FANCM: variants seen among roughly 807,000 people sequenced by gnomAD.
FANCM encodes the protein Fanconi anemia group M protein.
Under a neutral mutation model 199.5 loss-of-function variants are expected in FANCM, and 140 were observed. That is an observed-to-expected ratio of 0.70 (90% CI 0.61 to 0.81). FANCM has a LOEUF of 0.81. FANCM is among the 30% of genes least tolerant of loss of function. The pLI, the probability that FANCM is intolerant of heterozygous loss-of-function variation, is 0.00. For synonymous variants in FANCM, 840 were observed against 836.8 expected, an observed-to-expected ratio of 1.00 and a Z score of -0.07; for missense variants, 2,410 against 2,421.4, an observed-to-expected ratio of 1.00 and a Z score of 0.10.
At position 45,198,869 on chromosome 14, in the gene FANCM, A is replaced by G; in HGVS notation, c.5942A>G (p.Asn1981Ser). 1.2e-6 allele frequency: 2 copies of G among 1,611,622 alleles called. No homozygotes were observed. Among genetic ancestry groups the G allele is most frequent in the Non-Finnish European group, 1.7e-6 (2 of 1,177,780 alleles). Residue 1981 changes from asparagine (N) to serine (S), a missense_variant, in exon 22 of 23, where the codon AAT becomes AGT. By Grantham distance (46) the Asn-to-Ser change is conservative. Transcript: ENST00000267430. ...EALQFYLSIP[N>S]ISYITALNMC... ...CTCCAGTTTTATTTAAGTATTCCCA[A>G]TATAAGTTATATAACTGCATTAAAT...
intron 3 of FANCM, among the ~76,000 whole-genome samples, chr14:45,143,523 A>G (rs1886130798): frequency 6.6e-6 from 1 of 151,894 alleles, no homozygotes; most frequent in Non-Finnish European, 1.5e-5. Flanking sequence ...ACATCATAAG[A>G]TACATTATGC....
intron 3 of FANCM, among the ~76,000 whole-genome samples, chr14:45,144,912 T>C (rs749274602): frequency 6.6e-6 from 1 of 152,084 alleles, no homozygotes; most frequent in Non-Finnish European, 1.5e-5. Flanking sequence ...TTTCTCATCA[T>C]AGCCATCATT....
chr14:45,138,982 C>G (rs923117999), intron 2 of FANCM, among the ~76,000 whole-genome samples: 4 of 152,120 alleles, frequency 2.6e-5, no homozygotes, highest in Admixed American at 2.0e-4. Context: ...TGCCATATAA[C>G]AACAAAATGA....
At chr14:45,164,812 A>G (rs760407507) in intron 10 of FANCM, among the ~76,000 whole-genome samples, 3 of 152,174 alleles carry the variant, frequency 2.0e-5, no homozygotes, top group Non-Finnish European at 4.4e-5. Flanking sequence ...AGATACCTAG[A>G]TCTAAAAACC....
Position 45,197,785 on chromosome 14 carries a change from AT to A in FANCM, c.5717-858del, listed in dbSNP as rs539857268. 4.6e-4 allele frequency among the ~76,000 whole-genome samples: 63 copies of A among 137,082 alleles called. 2 individuals are homozygous for A. In the South Asian group the frequency reaches 0.013, roughly 29 times the overall value. The allele number at this position is 137,082 out of a possible 152,430, so 89.9% of individuals were successfully genotyped here. A position where few individuals can be genotyped will look rare whatever the true frequency, so the allele number is the denominator to read the frequency against. On this transcript the variant is annotated intron_variant, in intron 21 of 22. Coordinates refer to ENST00000267430, the MANE Select transcript of FANCM (RefSeq NM_020937.4). ...CAGCCTTCTTTTTTTTTTTTTTGAA[AT>A]GGAGTCTTGCTCTGTCGCCCAGGCT...
Position 45,164,459 on chromosome 14 carries a change from T to G in FANCM, c.1682T>G (p.Phe561Cys), listed in dbSNP as rs1340057261. ...DIGEVDLIIC[F>C]DSQKSPIRLV... ...GGAGAAGTTGATCTTATAATATGTT[T>G]TGATTCCCAGAAGAGCCCAATTCGT... Residue 561 changes from phenylalanine to cysteine, a missense_variant, in exon 10 of 23, where the codon TTT (phenylalanine) becomes TGT (cysteine). By Grantham distance (205) the Phe-to-Cys change is radical. Transcript: ENST00000267430. 1 of 1,613,586 alleles carries G rather than the reference T, an allele frequency of 6.2e-7. No individual in the cohort carries two copies. Among genetic ancestry groups the G allele is most frequent in the African/African-American group, 1.3e-5 (1 of 74,922 alleles).
chr14:45,193,630 A>G (rs775659160), intron 20 of FANCM, among the ~76,000 whole-genome samples: 1 of 152,144 alleles, frequency 6.6e-6, no homozygotes, highest in Non-Finnish European at 1.5e-5. Flanking sequence ...TCAGTTGACC[A>G]TATATGTGAG....
intron 3 of FANCM, among the ~76,000 whole-genome samples, chr14:45,141,769 T>C (rs552945042): frequency 6.6e-6 from 1 of 151,714 alleles, no homozygotes; most frequent in Non-Finnish European, 1.5e-5. Context: ...TTTGTATTTT[T>C]AGTAGACACG....
intron 13 of FANCM, among the ~76,000 whole-genome samples, chr14:45,174,225 A>G (rs986025936): frequency 6.6e-6 from 1 of 152,234 alleles, no homozygotes; most frequent in Non-Finnish European, 1.5e-5. Context: ...TGTCTGTACT[A>G]AAAATACAAA....
rs1885448954 is a variant in FANCM, at chr14:45,135,946, A to C, written c.-86A>C. ...CTTCTCGTTCCAGAGTTTTGTGCGA[A>C]GGAAACCGATGGGGATCGGAACCGT... is the stretch of plus-strand genomic sequence containing the variant. On this transcript the variant is annotated 5_prime_UTR_variant, in exon 1 of 23. Transcript: ENST00000267430. 1 of 1,462,084 alleles carries C rather than the reference A, an allele frequency of 6.8e-7. No individual in the cohort carries two copies. Among genetic ancestry groups the C allele is most frequent in the African/African-American group, 1.4e-5 (1 of 72,276 alleles). 90.6% of individuals were successfully genotyped at this position (1,462,084 alleles called of 1,614,324 possible).
Position 45,196,176 on chromosome 14 carries a change from G to T in FANCM, c.5345G>T (p.Gly1782Val). 1 of 1,614,070 alleles carries T rather than the reference G, an allele frequency of 6.2e-7. No individual in the cohort carries two copies. The highest frequency in any genetic ancestry group is 1.7e-5 in the Admixed American group (1 of 60,024). Residue 1782 changes from glycine to valine, a missense_variant, in exon 21 of 23, where the codon GGT (glycine) becomes GTT (valine). Gly to Val is a moderately radical substitution (Grantham distance 109). Coordinates refer to ENST00000267430, the MANE Select transcript of FANCM (RefSeq NM_020937.4). Reference protein sequence around the residue: ...CRKFPVPQKDGSALEDSSTSG... With the variant: ...CRKFPVPQKDVSALEDSSTSG... The stretch of plus-strand genomic sequence containing the variant: ...CAGTGTTTTCCACTTTTTCAGGATG[G>T]TAGTGCTTTGGAGGATTCTAGCACT...
At chr14:45,171,873 C>G (rs1180206558) in intron 12 of FANCM, among the ~76,000 whole-genome samples, 1 of 151,978 alleles carries the variant, frequency 6.6e-6, no homozygotes, top group East Asian at 1.9e-4. Flanking sequence ...GATTAGATAC[C>G]CAGTAGTGGG....
rs190705862 is a variant in FANCM, at chr14:45,145,828, G to A, written c.760-3009G>A. 4.0e-3 allele frequency among the ~76,000 whole-genome samples: 605 copies of A among 152,216 alleles called. 28 individuals carry two copies. In the East Asian group the frequency reaches 0.1, roughly 26 times the overall value. On this transcript the variant is annotated intron_variant, in intron 3 of 22. Transcript: ENST00000267430. ...TAATCCCAGCACTTTGGGAGGCCGA[G>A]GCGGGCGGATCACGAGGTCAGGAGA...
At chr14:45,164,015 G>A (rs1887784651) in intron 9 of FANCM, among the ~76,000 whole-genome samples, 1 of 152,164 alleles carries the variant, frequency 6.6e-6, no homozygotes, top group Admixed American at 6.6e-5. Flanking sequence ...CACAGTCATA[G>A]CTCACTTGCA....
At chr14:45,147,263 C>T (rs899120791) in intron 3 of FANCM, among the ~76,000 whole-genome samples, 1 of 152,058 alleles carries the variant, frequency 6.6e-6, no homozygotes, top group African/African-American at 2.4e-5. Context: ...TCCCCGCCCC[C>T]CCCAAAACCA....
In FANCM at chr14:45,175,305, G is replaced by A; in HGVS notation, c.2551G>A (p.Val851Ile). Residue 851 changes from valine (V) to isoleucine (I), a missense_variant, in exon 14 of 23, where the codon GTT becomes ATT. Val to Ile is a conservative substitution (Grantham distance 29). Transcript: ENST00000267430. ...AACTCATATCAAACCTACTAAAATT[G>A]TTTCTTTAAAGAAAAAAGTGTCTAA... ...KQTHIKPTKI[V>I]SLKKKVSKEI... is the part of the protein sequence containing the mutation. 2 of 1,571,402 alleles carry A rather than the reference G, an allele frequency of 1.3e-6. No homozygotes were observed. The highest frequency in any genetic ancestry group is 4.5e-5 in the East Asian group (2 of 44,484).
Position 45,159,151 on chromosome 14 carries a change from A to G in FANCM, c.1452A>G (p.Ser484=), listed in dbSNP as rs1594777564. The G allele has an allele frequency of 6.2e-7, 1 of 1,613,258 alleles. No individual in the cohort carries two copies. The highest frequency in any genetic ancestry group is 8.5e-7 in the Non-Finnish European group (1 of 1,179,306). ...AGACCCGAGTTATGATCTTCTCTTC[A>G]TTTCGAGATAGTGTTCAAGAAATTG... ...RDETRVMIFS[S]FRDSVQEIAE... is the part of the protein sequence containing the mutation. The change falls in exon 9 of 23, where the codon TCA becomes TCG. Residue 484 remains serine (S), a synonymous_variant. Coordinates refer to ENST00000267430, the MANE Select transcript of FANCM (RefSeq NM_020937.4).
At chr14:45,178,065 T>C (rs1229739571) in intron 14 of FANCM, among the ~76,000 whole-genome samples, 2 of 152,182 alleles carry the variant, frequency 1.3e-5, no homozygotes, top group Admixed American at 6.5e-5. Flanking sequence ...TTTTACTCCT[T>C]ATGTTAAAAG....
At position 45,189,123 on chromosome 14, in the gene FANCM, C is replaced by T. The variant is rs147021911; in HGVS notation, c.5101C>T (p.Gln1701Ter). The change falls in exon 20 of 23, where the codon CAG becomes TAG. Residue 1701 changes from glutamine (Q) to a stop codon, truncating the protein, a stop_gained. Coordinates refer to ENST00000267430, the MANE Select transcript of FANCM (RefSeq NM_020937.4). LOFTEE classifies it high-confidence loss of function. The part of the protein sequence containing the change: ...NPSTVKKNKQ[Q>*]DHCLNSVPSG... ...AAGCACTGTTAAGAAGAACAAACAACAGGACCATTGTTTAAATTCAGTGCC... is the reference window on the plus strand; with the variant it reads ...AAGCACTGTTAAGAAGAACAAACAATAGGACCATTGTTTAAATTCAGTGCC... 9.5e-4 allele frequency: 1,541 copies of T among 1,613,978 alleles called. 3 individuals are homozygous for T. The highest frequency in any genetic ancestry group is 7.4e-4 in the Non-Finnish European group (878 of 1,179,834).
Sources: gnomAD v4.1 joint callset for allele counts (sites outside exome capture counted in the v4.1 genomes callset) on GRCh38, gnomAD v4.1.1 for gene constraint, MANE v1.5 for transcripts, NCBI Gene and HGNC (gene_info 2026-07-23, HGNC 2026-07-21) for gene names.